The following SPTAN1 variants were observed in gnomAD, a reference collection of about 807,000 sequenced individuals.
SPTAN1 encodes the protein spectrin alpha, non-erythrocytic 1.
SPTAN1 carries 61 observed loss-of-function variants against 331.3 expected under a neutral mutation model. That is an observed-to-expected ratio of 0.18 (90% CI 0.15 to 0.23). The LOEUF (loss-of-function observed/expected upper bound fraction) is 0.23. SPTAN1 is among the 10% of genes least tolerant of loss of function. The pLI is 1.00. For synonymous variants in SPTAN1, 1,153 were observed against 1,173.9 expected (o/e 0.98, Z 0.36); for missense variants, 2,043 against 3,147.9 (o/e 0.65, Z 8.40).
At chr9:128,556,163 A>G (rs892638022) in intron 1 of SPTAN1, among the ~76,000 whole-genome samples, 1 of 152,002 alleles carries the variant, frequency 6.6e-6, no homozygotes, top group Non-Finnish European at 1.5e-5. Context: ...GGAGGTTGCA[A>G]TGAGCCGAGA....
intron 1 of SPTAN1, among the ~76,000 whole-genome samples, chr9:128,554,165 A>G (rs1848413370): frequency 6.6e-6 from 1 of 152,176 alleles, no homozygotes; most frequent in African/African-American, 2.4e-5. Flanking sequence ...TGGGCCAATA[A>G]TTACTCAAAG....
chr9:128,561,662 C>CCAAAAAAAAAAAAA (rs1849371809), intron 1 of SPTAN1, among the ~76,000 whole-genome samples: 1 of 15,986 alleles, frequency 6.3e-5, no homozygotes, highest in Non-Finnish European at 1.3e-4. Flanking sequence ...GACTCCGTCT[C>CCAAAAAAAAAAAAA]AAAAAAAAAA....
At chr9:128,618,484 A>ATGTTTT (rs933264433) in intron 43 of SPTAN1, among the ~76,000 whole-genome samples, 47 of 151,412 alleles carry the variant, frequency 3.1e-4, no homozygotes, top group Admixed American at 2.7e-3. Context: ...TTTTTTGTGA[A>ATGTTTT]TGTTTTTGTT....
In SPTAN1 at chr9:128,566,807, C is replaced by G; in HGVS notation, c.67C>G (p.Leu23Val). 6.2e-7 allele frequency: 1 copy of G among 1,614,186 alleles called. No individual in the cohort carries two copies. The highest frequency in any genetic ancestry group is 8.5e-7 in the Non-Finnish European group (1 of 1,180,036). ...CATCCAGGAGAGGCGGCAGCAGGTC[C>G]TAGACCGATACCACCGCTTCAAGGA... Reference protein sequence around the residue: ...EDIQERRQQVLDRYHRFKELS... With the variant: ...EDIQERRQQVVDRYHRFKELS... The change falls in exon 2 of 57, where the codon CTA (leucine) becomes GTA (valine). Residue 23 changes from leucine (L) to valine (V), a missense_variant. Transcript: ENST00000372739.
chr9:128,563,024 A>ATATATATATATATATATATATG (rs1564188712), intron 1 of SPTAN1, among the ~76,000 whole-genome samples: 3 of 140,584 alleles, frequency 2.1e-5, no homozygotes, highest in African/African-American at 8.1e-5. Context: ...ATATATATAT[A>ATATATATATATATATATATATG]TATGTATATA....
In SPTAN1 at chr9:128,581,441, C is replaced by A. The variant is rs548632596; in HGVS notation, c.1462-341C>A. 6.9e-5 allele frequency among the ~76,000 whole-genome samples: 10 copies of A among 145,098 alleles called. No homozygotes were observed. In the South Asian group the frequency reaches 2.2e-3, roughly 32 times the overall value. ...CAAGCTATGATCGTACCACCGCACTCTAGCCTGTGCAACAGACCGAGATCC... is the reference window on the plus strand; with the variant it reads ...CAAGCTATGATCGTACCACCGCACTATAGCCTGTGCAACAGACCGAGATCC... On this transcript the variant is annotated intron_variant, in intron 11 of 56. Transcript: ENST00000372739.
At chr9:128,563,858 G>A (rs1022161036) in intron 1 of SPTAN1, among the ~76,000 whole-genome samples, 1 of 151,318 alleles carries the variant, frequency 6.6e-6, no homozygotes, top group African/African-American at 2.4e-5. Flanking sequence ...GGCTGTTCTC[G>A]AACTTCTGGG....
chr9:128,572,303 A>G (rs899744704), intron 3 of SPTAN1, among the ~76,000 whole-genome samples: 3 of 150,998 alleles, frequency 2.0e-5, no homozygotes, highest in African/African-American at 7.3e-5. Context: ...TTGCTTGTCC[A>G]CCCCGTCAGC....
chr9:128,581,475 A>AC lies in SPTAN1; in HGVS notation c.1462-307_1462-306insC, dbSNP rs909641140. Among the ~76,000 whole-genome samples the AC allele has an allele frequency of 3.1e-3, 6 of 1,954 alleles. No homozygotes were observed. The Non-Finnish European group carries it at 0.2, about 65-fold the overall frequency. 1.3% of individuals were successfully genotyped at this position (1,954 alleles called of 152,430 possible). On this transcript the variant is annotated intron_variant, in intron 11 of 56. Coordinates refer to ENST00000372739, the MANE Select transcript of SPTAN1 (RefSeq NM_001130438.3). ...GCAACAGACCGAGATCCTGTCTCAC[A>AC]AAAAAAAAAAAAACAAACAAAAAAA...
chr9:128,628,121 G>C (rs1268293677), intron 51 of SPTAN1, 179 bp downstream of exon 51: 1 of 837,378 alleles, frequency 1.2e-6, no homozygotes, highest in Non-Finnish European at 2.1e-6. Flanking sequence ...CATAGCCCAT[G>C]GTCCCTGGTC....
At chr9:128,580,461 A>G (rs1005491966) in intron 10 of SPTAN1, among the ~76,000 whole-genome samples, 6 of 152,026 alleles carry the variant, frequency 3.9e-5, no homozygotes, top group African/African-American at 1.4e-4. Flanking sequence ...TTTTAGTATT[A>G]CATAGAGTAA....
Position 128,577,172 on chromosome 9 carries a change from T to G in SPTAN1, c.829T>G (p.Leu277Val), listed in dbSNP as rs1851404419. The G allele has an allele frequency of 6.2e-7, 1 of 1,614,158 alleles. No individual in the cohort carries two copies. Among genetic ancestry groups the G allele is most frequent in the Admixed American group, 1.7e-5 (1 of 60,020 alleles). ...TISWIKEKEQ[L>V]MASDDFGRDL... ...CAGTTGGATTAAGGAAAAGGAGCAG[T>G]TAATGGCCTCTGATGATTTTGGCCG... The change falls in exon 7 of 57, where the codon TTA becomes GTA. Residue 277 changes from leucine to valine, a missense_variant. This residue lies in a region of SPTAN1 where 1,038 missense variants were observed against 1,531.5 expected (regional missense o/e 0.68). Coordinates refer to ENST00000372739, the MANE Select transcript of SPTAN1 (RefSeq NM_001130438.3). The surrounding 1 kb of genome is among the most constrained non-coding windows in gnomAD (Gnocchi z 4.2).
intron 31 of SPTAN1, among the ~76,000 whole-genome samples, chr9:128,607,196 G>T (rs1237682987): frequency 1.3e-5 from 2 of 151,764 alleles, no homozygotes; most frequent in South Asian, 2.1e-4. Flanking sequence ...TAGAGACAGG[G>T]TTGCACCACA....
Position 128,608,894 on chromosome 9 carries a change from G to T in SPTAN1, c.4512G>T (p.Leu1504=). 6.2e-7 allele frequency: 1 copy of T among 1,614,162 alleles called. No individual in the cohort carries two copies. The highest frequency in any genetic ancestry group is 1.3e-5 in the African/African-American group (1 of 75,072). The part of the protein sequence containing the change: ...INVQEEKIAA[L]QAFADQLIAA... ...GACAGGAAGAGAAGATTGCTGCTCT[G>T]CAGGCCTTTGCCGACCAGCTCATCG... The change falls in exon 35 of 57, where the codon CTG becomes CTT. Residue 1504 remains leucine, a synonymous_variant. Coordinates refer to ENST00000372739, the MANE Select transcript of SPTAN1 (RefSeq NM_001130438.3).
At chr9:128,599,388 G>A (rs1854747615) in intron 26 of SPTAN1, 1 of 246,952 alleles carries the variant, frequency 4.0e-6, no homozygotes, top group Middle Eastern at 1.6e-3. Context: ...GCCCACCTCA[G>A]CTTCCCAGAG....
chr9:128,562,969 AAAATATATATATACATGTATGTGTAT>A (rs200002602), intron 1 of SPTAN1, among the ~76,000 whole-genome samples: 22,491 of 130,002 alleles, frequency 0.17, 2,580 homozygotes, highest in East Asian at 0.46. Flanking sequence ...CGTCTAAAAA[AAAATATATATATACATGTATGTGTAT>A]ATATATATAT....
chr9:128,582,725 G>C lies in SPTAN1; in HGVS notation c.1682G>C (p.Arg561Thr). 1.2e-6 allele frequency: 2 copies of C among 1,613,934 alleles called. No individual in the cohort carries two copies. Among genetic ancestry groups the C allele is most frequent in the Non-Finnish European group, 1.7e-6 (2 of 1,180,030 alleles). The change falls in exon 14 of 57, where the codon AGA becomes ACA. Residue 561 changes from arginine to threonine, a missense_variant. Arg to Thr is a moderately conservative substitution (Grantham distance 71, BLOSUM62 -1). Transcript: ENST00000372739. The part of the protein sequence containing the change: ...LLSRRNALHE[R>T]AMRRRAQLAD... ...AGCCGCCGCAATGCCCTTCACGAGA[G>C]AGCCATGCGTCGCCGGGCCCAGCTA... is the stretch of plus-strand genomic sequence containing the variant.
At chr9:128,606,444 G>A (rs1217916050) in intron 31 of SPTAN1, among the ~76,000 whole-genome samples, 1 of 142,030 alleles carries the variant, frequency 7.0e-6, no homozygotes, top group African/African-American at 2.6e-5. Flanking sequence ...TCATCTCCTT[G>A]CCATATGACA....
intron 27 of SPTAN1, among the ~76,000 whole-genome samples, chr9:128,602,611 CTTTA>C (rs912071808): frequency 1.3e-5 from 2 of 151,820 alleles, no homozygotes; most frequent in Non-Finnish European, 2.9e-5. Flanking sequence ...TCCTAAGGGA[CTTTA>C]TTTATTTGTT....
Sources: allele counts gnomAD v4.1 joint callset (sites outside exome capture counted in the v4.1 genomes callset), GRCh38; gene constraint gnomAD v4.1.1; regional missense constraint gnomAD v4.1.1; non-coding constraint Gnocchi (gnomAD v3.1); transcripts MANE v1.5; gene names NCBI Gene and HGNC (gene_info 2026-07-23, HGNC 2026-07-21).